CAMTA1: variants seen among roughly 807,000 people sequenced by gnomAD.
The protein encoded by CAMTA1 is calmodulin binding transcription activator 1.
In CAMTA1, 27 loss-of-function variants were observed where a neutral mutation model predicts 170.9. The observed-to-expected ratio is 0.16, with a 90% CI of 0.12 to 0.22. The LOEUF is 0.22. CAMTA1 is among the 10% of genes least tolerant of loss of function. The pLI, the probability that CAMTA1 is intolerant of heterozygous loss-of-function variation, is 1.00. For missense variants in CAMTA1, 1,619 were observed against 2,217.2 expected (o/e 0.73, Z 5.42); for synonymous variants, 833 against 891.5 (o/e 0.93, Z 1.17).
chr1:7,393,337 C>T (rs1385562721), intron 5 of CAMTA1, among the ~76,000 whole-genome samples: 1 of 152,142 alleles, frequency 6.6e-6, no homozygotes, highest in Non-Finnish European at 1.5e-5. Context: ...TGACCACCAG[C>T]TCACTGCAGC....
At chr1:6,958,682 C>T (rs985990709) in intron 3 of CAMTA1, among the ~76,000 whole-genome samples, 7 of 152,194 alleles carry the variant, frequency 4.6e-5, no homozygotes, top group Non-Finnish European at 7.3e-5. Context: ...AGCGAATCTC[C>T]TCCCAGCCTA....
intron 3 of CAMTA1, among the ~76,000 whole-genome samples, chr1:7,011,536 G>A (rs35018049): frequency 0.035 from 5,275 of 152,160 alleles, 119 homozygotes; most frequent in Middle Eastern, 0.068. Flanking sequence ...GAACATGGCG[G>A]GGGGGCCCTC....
chr1:7,258,504 CTGTT>C (rs1402277613), intron 5 of CAMTA1, among the ~76,000 whole-genome samples: 1 of 152,208 alleles, frequency 6.6e-6, no homozygotes. Flanking sequence ...GGGCCATTCT[CTGTT>C]TGGTCCCCAA....
intron 2 of CAMTA1, among the ~76,000 whole-genome samples, chr1:6,823,305 C>T (rs929553362): frequency 6.6e-5 from 10 of 152,184 alleles, no homozygotes; most frequent in South Asian, 2.1e-4. Context: ...ATAAGATTAC[C>T]GAGGTTTTAT....
chr1:7,744,181 G>T (rs2096840391), intron 16 of CAMTA1, among the ~76,000 whole-genome samples: 1 of 141,338 alleles, frequency 7.1e-6, no homozygotes, highest in South Asian at 2.2e-4. Flanking sequence ...GCCCAGGCTG[G>T]AGTGCAGTGG....
chr1:7,353,713 C>T (rs1046157903), intron 5 of CAMTA1, among the ~76,000 whole-genome samples: 6 of 152,166 alleles, frequency 3.9e-5, no homozygotes, highest in African/African-American at 7.2e-5. Flanking sequence ...TGTGAGCCAC[C>T]GTGCTGGGCC....
At position 7,007,400 on chromosome 1, in the gene CAMTA1, G is replaced by A. The variant is rs1433658440; in HGVS notation, c.235-83904G>A. ...CGCCAGAGCCTGTGGGCCACCCCGA[G>A]GAAGTGACCCCTATGAGCCAGCCTT... On this transcript the variant is annotated intron_variant, in intron 3 of 22. Transcript: ENST00000303635. The surrounding 1 kb of genome is among the most constrained non-coding windows in gnomAD (Gnocchi z 4.5). Among the ~76,000 whole-genome samples, 1 of 152,192 alleles carries A rather than the reference G, an allele frequency of 6.6e-6. No homozygotes were observed. The highest frequency in any genetic ancestry group is 2.4e-5 in the African/African-American group (1 of 41,452).
At chr1:7,008,693 G>T (rs1483824873) in intron 3 of CAMTA1, 1 of 152,196 alleles carries the variant, frequency 6.6e-6, no homozygotes, top group Non-Finnish European at 1.5e-5. Flanking sequence ...CTTACGAGTA[G>T]CTCTGAAAGG....
chr1:7,069,005 C>T (rs372211656), intron 3 of CAMTA1, among the ~76,000 whole-genome samples: 2 of 152,190 alleles, frequency 1.3e-5, no homozygotes, highest in African/African-American at 2.4e-5. Flanking sequence ...CCAAGCTGGA[C>T]GCAGGCCTGG....
intron 4 of CAMTA1, among the ~76,000 whole-genome samples, chr1:7,143,966 C>T (rs529434576): frequency 6.6e-6 from 1 of 152,328 alleles, no homozygotes; most frequent in South Asian, 2.1e-4. Context: ...TGTGTGTCAT[C>T]AAACACAAGG....
intron 5 of CAMTA1, among the ~76,000 whole-genome samples, chr1:7,391,328 A>AGTGTGTGTGTGTGTGTGT (rs35663101): frequency 1.4e-3 from 200 of 147,026 alleles, no homozygotes; most frequent in African/African-American, 4.5e-3. Context: ...CCCTTTACAC[A>AGTGTGTGTGTGTGTGTGT]GTGTGTGTGT....
intron 1 of CAMTA1, among the ~76,000 whole-genome samples, chr1:6,812,133 G>T (rs754721070): frequency 2.0e-5 from 3 of 152,188 alleles, no homozygotes; most frequent in African/African-American, 7.2e-5. Flanking sequence ...TCAGAGCATC[G>T]TACTTACTTT....
At chr1:7,175,263 GT>G (rs34279733) in intron 4 of CAMTA1, among the ~76,000 whole-genome samples, 51,537 of 152,048 alleles carry the variant, frequency 0.34, 8,730 homozygotes, top group Non-Finnish European at 0.37. Context: ...GCGGCTGGCA[GT>G]TTTAATGCCA....
intron 3 of CAMTA1, among the ~76,000 whole-genome samples, chr1:6,879,244 G>A (rs1470305159): frequency 3.3e-5 from 5 of 152,216 alleles, no homozygotes; most frequent in African/African-American, 1.2e-4. Flanking sequence ...GTGTGTAAGT[G>A]TAAGGAGACA....
At chr1:7,656,542 G>A (rs577345312) in intron 7 of CAMTA1, among the ~76,000 whole-genome samples, 1 of 152,342 alleles carries the variant, frequency 6.6e-6, no homozygotes, top group South Asian at 2.1e-4. Context: ...GATTTGGTGG[G>A]GGACACAATT....
In CAMTA1 at chr1:7,041,697, C is replaced by T. The variant is rs1193248544; in HGVS notation, c.235-49607C>T. ...AATCCTTGGCAGAAAGGTTTGCTGA[C>T]GTCTCCTCGTAGATAAAGGAAAATT... On this transcript the variant is annotated intron_variant, in intron 3 of 22. Transcript: ENST00000303635. This position sits in a 1 kb window ranked among gnomAD's most constrained non-coding sequence, Gnocchi z 5.1. 2.0e-5 allele frequency among the ~76,000 whole-genome samples: 3 copies of T among 152,224 alleles called. No individual in the cohort carries two copies. The highest frequency in any genetic ancestry group is 6.5e-5 in the Admixed American group (1 of 15,286).
intron 3 of CAMTA1, among the ~76,000 whole-genome samples, chr1:6,933,144 C>G (rs147160851): frequency 6.6e-6 from 1 of 151,970 alleles, no homozygotes; most frequent in Non-Finnish European, 1.5e-5. Flanking sequence ...TTCACAGCCT[C>G]GAACCCCTGA....
At chr1:7,322,244 C>T (rs1574666778) in intron 5 of CAMTA1, among the ~76,000 whole-genome samples, 1 of 152,324 alleles carries the variant, frequency 6.6e-6, no homozygotes, top group East Asian at 1.9e-4. Flanking sequence ...TGGTCTTGGG[C>T]TTTGTCGGCC....
At chr1:6,901,016 A>T (rs891320830) in intron 3 of CAMTA1, among the ~76,000 whole-genome samples, 6 of 152,248 alleles carry the variant, frequency 3.9e-5, no homozygotes, top group African/African-American at 1.4e-4. Context: ...ACAGTAATCA[A>T]GACAGTGTGG....
Sources: allele counts gnomAD v4.1 joint callset (sites outside exome capture counted in the v4.1 genomes callset), GRCh38; gene constraint gnomAD v4.1.1; non-coding constraint Gnocchi (gnomAD v3.1); transcripts MANE v1.5; gene names NCBI Gene and HGNC (gene_info 2026-07-23, HGNC 2026-07-21).